The following SIPA1L3 variants were observed in gnomAD, a reference collection of about 807,000 sequenced individuals.
SIPA1L3 encodes the protein signal induced proliferation associated 1 like 3.
In SIPA1L3, 59 loss-of-function variants were observed where a neutral mutation model predicts 150.1. The ratio of observed to expected loss-of-function variants is 0.39; its 90% CI spans 0.32 to 0.49. SIPA1L3 has a LOEUF of 0.49. Among genes scored for constraint, SIPA1L3 ranks in the 20% least tolerant of loss-of-function variants. The pLI is 0.86. For synonymous variants in SIPA1L3, 1,070 were observed against 1,077.6 expected (o/e 0.99, Z 0.14); for missense variants, 2,211 against 2,489.5 (o/e 0.89, Z 2.38).
At chr19:38,151,244 G>A (rs562053883) in intron 12 of SIPA1L3, among the ~76,000 whole-genome samples, 134 of 152,298 alleles carry the variant, frequency 8.8e-4, no homozygotes, top group African/African-American at 3.0e-3. Flanking sequence ...TCAGTCAGAC[G>A]GTGCTGGGTA....
At position 38,082,322 on chromosome 19, in the gene SIPA1L3, G is replaced by C. The variant is rs1371455833; in HGVS notation, c.757G>C (p.Gly253Arg). Residue 253 changes from glycine to arginine, a missense_variant, in exon 3 of 22, where the codon GGC (glycine) becomes CGC (arginine). By Grantham distance (125) the Gly-to-Arg change is moderately radical (BLOSUM62 -2). Around this residue, in one of 5 missense-constraint regions of SIPA1L3, gnomAD observed 587 missense variants for 534.5 expected, o/e 1.10. Transcript: ENST00000222345. ...RADPGPHLMG[G>R]GGGAKGDSHN... ...AGATCCTGGCCCACACCTCATGGGG[G>C]GCGGCGGCGGAGCCAAGGGGGACTC... 6.3e-7 allele frequency: 1 copy of C among 1,598,600 alleles called. No individual in the cohort carries two copies. The highest frequency in any genetic ancestry group is 8.5e-7 in the Non-Finnish European group (1 of 1,178,944).
intron 1 of SIPA1L3, among the ~76,000 whole-genome samples, chr19:37,973,679 C>T (rs1967003199): frequency 6.6e-6 from 1 of 151,932 alleles, no homozygotes; most frequent in Admixed American, 6.6e-5. Flanking sequence ...CCCACACTCA[C>T]ACCAGAGCAA....
chr19:38,125,274 G>C (rs1971146453), intron 9 of SIPA1L3, among the ~76,000 whole-genome samples: 1 of 152,116 alleles, frequency 6.6e-6, no homozygotes, highest in South Asian at 2.1e-4. Context: ...GGCCTCAAGT[G>C]ATCCACCCTC....
In SIPA1L3 at chr19:37,923,942, T is replaced by C. The variant is rs754788861; in HGVS notation, c.-379+16584T>C. On this transcript the variant is annotated intron_variant, in intron 1 of 21. Transcript: ENST00000222345. ...TAATCTAGTTTGTTTGTTGTTGTTG[T>C]TTTTGTATTTTTAGTAGAGACAGGG... 3.3e-5 allele frequency among the ~76,000 whole-genome samples: 5 copies of C among 152,028 alleles called. No individual in the cohort carries two copies. In the South Asian group the frequency reaches 8.3e-4, roughly 25 times the overall value.
At chr19:38,107,313 C>T (rs1239177561) in intron 7 of SIPA1L3, among the ~76,000 whole-genome samples, 3 of 152,190 alleles carry the variant, frequency 2.0e-5, no homozygotes, top group East Asian at 1.9e-4. Context: ...TGGCCAAGCC[C>T]GAGGCTCATG....
intron 2 of SIPA1L3, among the ~76,000 whole-genome samples, chr19:38,076,270 A>G (rs2145810112): frequency 6.6e-6 from 1 of 152,346 alleles, no homozygotes; most frequent in African/African-American, 2.4e-5. Flanking sequence ...ACCATAAAAT[A>G]TACACAAATG....
intron 1 of SIPA1L3, among the ~76,000 whole-genome samples, chr19:37,928,428 G>A (rs186959675): frequency 8.5e-4 from 130 of 152,162 alleles, no homozygotes; most frequent in African/African-American, 2.9e-3. Flanking sequence ...AAAATTAGCC[G>A]GGTGTGGTGG....
Position 38,081,260 on chromosome 19 carries a change from G to A in SIPA1L3, c.-306G>A. ...TTTCCTTTTCTTCCATTTCAGCATGGCGAGGACAACATCCTTGCTGCCTCC... is the reference window on the plus strand; with the variant it reads ...TTTCCTTTTCTTCCATTTCAGCATGACGAGGACAACATCCTTGCTGCCTCC... On this transcript the variant is annotated 5_prime_UTR_variant, in exon 3 of 22. Transcript: ENST00000222345. 2.4e-6 allele frequency: 1 copy of A among 412,866 alleles called. No homozygotes were observed. The highest frequency in any genetic ancestry group is 1.1e-4 in the South Asian group (1 of 9,466). 25.6% of individuals were successfully genotyped at this position (412,866 alleles called of 1,614,324 possible).
chr19:37,920,060 T>A (rs79872744), intron 1 of SIPA1L3, among the ~76,000 whole-genome samples: 1 of 136,922 alleles, frequency 7.3e-6, no homozygotes, highest in African/African-American at 2.6e-5. Context: ...GGTTTGTAAT[T>A]TTTTTTTTTT....
chr19:38,123,268 T>G (rs949492600), intron 9 of SIPA1L3, among the ~76,000 whole-genome samples: 125 of 150,572 alleles, frequency 8.3e-4, no homozygotes, highest in African/African-American at 3.0e-3. Flanking sequence ...TTTTTTGTTT[T>G]TTTTGTTTTT....
chr19:37,919,258 AACTGCTGGAC>A (rs1475064377), intron 1 of SIPA1L3, among the ~76,000 whole-genome samples: 3 of 152,134 alleles, frequency 2.0e-5, no homozygotes, highest in African/African-American at 7.2e-5. Flanking sequence ...ACTTATCTCC[AACTGCTGGAC>A]AGTGCCTGGC....
intron 2 of SIPA1L3, among the ~76,000 whole-genome samples, chr19:38,050,055 C>T (rs1184770017): frequency 1.3e-5 from 2 of 152,158 alleles, no homozygotes; most frequent in East Asian, 1.9e-4. Flanking sequence ...CAAGTTAGTT[C>T]ACCTCTCTGA....
At chr19:38,182,858 A>C in intron 16 of SIPA1L3, 118 bp downstream of exon 16, 1 of 763,236 alleles carries the variant, frequency 1.3e-6, no homozygotes, top group Non-Finnish European at 2.1e-6. Context: ...CCAGTGTACC[A>C]GTGTACACAC....
chr19:38,164,168 A>G lies in SIPA1L3; in HGVS notation c.3781-311A>G, dbSNP rs1972153647. Among the ~76,000 whole-genome samples, 1 of 152,182 alleles carries G rather than the reference A, an allele frequency of 6.6e-6. No homozygotes were observed. Among genetic ancestry groups the G allele is most frequent in the Admixed American group, 6.6e-5 (1 of 15,264 alleles). The stretch of plus-strand genomic sequence containing the variant: ...ATGGCCGGCGTCATTGAGATGAGGA[A>G]GACGCTGCCGAACTCAGTCTTAGAT... On this transcript the variant is annotated intron_variant, in intron 14 of 21. Coordinates refer to ENST00000222345, the MANE Select transcript of SIPA1L3 (RefSeq NM_015073.3). This position sits in a 1 kb window ranked among gnomAD's most constrained non-coding sequence, Gnocchi z 4.1.
chr19:38,037,605 CTT>C (rs980646959), intron 2 of SIPA1L3, among the ~76,000 whole-genome samples: 12 of 152,304 alleles, frequency 7.9e-5, no homozygotes, highest in African/African-American at 2.6e-4. Flanking sequence ...AGTTCCCACT[CTT>C]TGGCAGGGGG....
intron 15 of SIPA1L3, among the ~76,000 whole-genome samples, chr19:38,180,114 C>G (rs73627663): frequency 7.6e-4 from 116 of 151,840 alleles, no homozygotes; most frequent in African/African-American, 2.7e-3. Context: ...GGGATTAACC[C>G]GAGGAGTTTT....
chr19:38,069,346 G>A (rs939363370), intron 2 of SIPA1L3, among the ~76,000 whole-genome samples: 2 of 152,088 alleles, frequency 1.3e-5, no homozygotes, highest in African/African-American at 2.4e-5. Flanking sequence ...GCCACCATAC[G>A]TGACTCTTTG....
At chr19:38,066,182 T>TA (rs1452452578) in intron 2 of SIPA1L3, among the ~76,000 whole-genome samples, 28 of 151,066 alleles carry the variant, frequency 1.9e-4, no homozygotes, top group African/African-American at 5.9e-4. Flanking sequence ...CTGGCAAATT[T>TA]TAAAAAAAAA....
At chr19:37,966,916 C>T (rs761256858) in intron 1 of SIPA1L3, among the ~76,000 whole-genome samples, 15 of 152,254 alleles carry the variant, frequency 9.9e-5, no homozygotes, top group African/African-American at 9.6e-5. Flanking sequence ...CCAGTTTCCA[C>T]GGGTGGCTGG....
Sources: allele counts gnomAD v4.1 joint callset (sites outside exome capture counted in the v4.1 genomes callset), GRCh38; gene constraint gnomAD v4.1.1; regional missense constraint gnomAD v4.1.1; non-coding constraint Gnocchi (gnomAD v3.1); transcripts MANE v1.5; gene names NCBI Gene and HGNC (gene_info 2026-07-23, HGNC 2026-07-21).